The following MROH2B variants were observed in gnomAD, a reference collection of about 807,000 sequenced individuals.
MROH2B encodes the protein maestro heat-like repeat-containing protein family member 2B.
MROH2B carries 177 observed loss-of-function variants against 208.6 expected under a neutral mutation model. The observed-to-expected ratio is 0.85, with a 90% CI of 0.75 to 0.96. The LOEUF is 0.96. Ranked by LOEUF, MROH2B falls within the 40% of genes least tolerant of loss-of-function variation. The pLI is 0.00. For missense variants in MROH2B, 2,002 were observed against 1,878.7 expected (o/e 1.07, Z -1.21); for synonymous variants, 728 against 659.0 (o/e 1.10, Z -1.60).
chr5:41,016,123 C>A (rs1453182943), intron 28 of MROH2B, among the ~76,000 whole-genome samples: 1 of 152,132 alleles, frequency 6.6e-6, no homozygotes, highest in Non-Finnish European at 1.5e-5. Context: ...AGCTCAAAGC[C>A]CAGCTACTCT....
chr5:41,039,088 G>A (rs1390686380), intron 20 of MROH2B, among the ~76,000 whole-genome samples, 200 bp from the exon 21 acceptor site: 1 of 152,144 alleles, frequency 6.6e-6, no homozygotes, highest in African/African-American at 2.4e-5. Flanking sequence ...CAGGCCTTCA[G>A]AGAGGTAACT....
chr5:41,057,547 T>TGAAC (rs1184950629), intron 7 of MROH2B, among the ~76,000 whole-genome samples, 187 bp from the exon 8 acceptor site: 1 of 137,788 alleles, frequency 7.3e-6, no homozygotes, highest in African/African-American at 2.6e-5. Context: ...AATGAATGAA[T>TGAAC]GAACGAATAT....
chr5:41,039,634 G>A, intron 19 of MROH2B, 79 bp from the exon 20 acceptor site: 1 of 982,528 alleles, frequency 1.0e-6, no homozygotes, highest in South Asian at 1.7e-5. Flanking sequence ...CCTATTATGT[G>A]CCAGGTATCC....
chr5:41,030,035 G>A (rs1317925372), intron 24 of MROH2B, among the ~76,000 whole-genome samples: 1 of 151,882 alleles, frequency 6.6e-6, no homozygotes. Flanking sequence ...TATTAAATAG[G>A]AGAAAATATT....
At position 41,065,288 on chromosome 5, in the gene MROH2B, G is replaced by T. The variant is rs192463622; in HGVS notation, c.361+43C>A. 2,516 of 1,558,618 alleles carry T rather than the reference G, an allele frequency of 1.6e-3. 40 individuals carry two copies. In the African/African-American group the frequency reaches 0.031, roughly 19 times the overall value. ...CCATTTAGCTTTTAGACAATTAGAAGTTGTCATTTCCCAGGGAAAATTGGA... is the reference window on the plus strand; with the variant it reads ...CCATTTAGCTTTTAGACAATTAGAATTTGTCATTTCCCAGGGAAAATTGGA... On this transcript the variant is annotated intron_variant, in intron 4 of 41. Transcript: ENST00000399564.
At position 41,026,550 on chromosome 5, in the gene MROH2B, T is replaced by C. The variant is rs536944385; in HGVS notation, c.2441+6192A>G. ...TGAAATAAAAGAGGACACAAACAAA[T>C]GGAAGAACATTCCATGCTCATGGAT... On this transcript the variant is annotated intron_variant, in intron 24 of 41. Coordinates refer to ENST00000399564, the MANE Select transcript of MROH2B (RefSeq NM_173489.5). Among the ~76,000 whole-genome samples, 539 of 152,260 alleles carry C rather than the reference T, an allele frequency of 3.5e-3. 13 individuals are homozygous for C. Among genetic ancestry groups the C allele is most frequent in the Admixed American group, 6.2e-3 (95 of 15,292 alleles).
At chr5:41,034,117 C>T (rs541270334) in intron 21 of MROH2B, 9 of 965,668 alleles carry the variant, frequency 9.3e-6, no homozygotes, top group East Asian at 1.1e-4. Flanking sequence ...GTAGAGACTT[C>T]GAGTCTTGTG....
chr5:41,008,867 C>G, intron 32 of MROH2B, 74 bp from the exon 33 acceptor site: 5 of 1,441,870 alleles, frequency 3.5e-6, no homozygotes, highest in Non-Finnish European at 4.7e-6. Context: ...GGCTGATTTT[C>G]AACTTTGTTT....
At chr5:41,024,604 C>A (rs773548739) in intron 24 of MROH2B, among the ~76,000 whole-genome samples, 4 of 152,204 alleles carry the variant, frequency 2.6e-5, no homozygotes, top group Admixed American at 1.3e-4. Context: ...TAACACCCCA[C>A]TGTCAACATT....
At chr5:41,033,785 C>A (rs1260434876) in intron 22 of MROH2B, 53 bp downstream of exon 22, 2 of 833,286 alleles carry the variant, frequency 2.4e-6, no homozygotes, top group Non-Finnish European at 3.6e-6. Context: ...GGGGCATTAT[C>A]TATCTATCTA....
intron 18 of MROH2B, 150 bp from the exon 19 acceptor site, chr5:41,042,358 G>T: frequency 1.9e-6 from 1 of 523,788 alleles, no homozygotes; most frequent in Non-Finnish European, 3.5e-6. Flanking sequence ...TCTTGAGAGT[G>T]TTTCCTTCCT....
intron 19 of MROH2B, among the ~76,000 whole-genome samples, chr5:41,041,398 G>T (rs1319466258): frequency 6.6e-6 from 1 of 152,124 alleles, no homozygotes; most frequent in Non-Finnish European, 1.5e-5. Context: ...AGGCTGAGGT[G>T]GGTGGATCAC....
chr5:41,004,828 C>G lies in MROH2B; in HGVS notation c.3957G>C (p.Leu1319=), dbSNP rs757057293. The change falls in exon 36 of 42, where the codon CTG becomes CTC. Residue 1319 remains leucine (L), a synonymous_variant. Transcript: ENST00000399564. ...CGAGCCCTCGGATGGCCATCTGCCT[C>G]AGAGTGGCGTTGGAGTCCCAGGCAC... ...DQSAWDSNAT[L]RQMAIRGLGN... 9 of 1,614,022 alleles carry G rather than the reference C, an allele frequency of 5.6e-6. No homozygotes were observed. In the South Asian group the frequency reaches 8.8e-5, roughly 16 times the overall value.
chr5:41,031,089 A>G (rs1742552629), intron 24 of MROH2B, among the ~76,000 whole-genome samples: 2 of 152,130 alleles, frequency 1.3e-5, no homozygotes, highest in Non-Finnish European at 2.9e-5. Context: ...GGAATGTATT[A>G]GCGCATTTTC....
At chr5:41,016,547 C>T (rs1168228768) in intron 28 of MROH2B, among the ~76,000 whole-genome samples, 10 of 106,384 alleles carry the variant, frequency 9.4e-5, no homozygotes, top group Admixed American at 4.3e-4. Flanking sequence ...GGTGTGATCT[C>T]GGCTCACTGC....
chr5:41,011,645 C>T (rs774005301), intron 30 of MROH2B, among the ~76,000 whole-genome samples: 7 of 151,340 alleles, frequency 4.6e-5, no homozygotes, highest in Non-Finnish European at 1.0e-4. Flanking sequence ...GAGTTGCTTT[C>T]ATTTAGTGAA....
intron 13 of MROH2B, 122 bp from the exon 14 acceptor site, chr5:41,049,558 G>A: frequency 1.7e-6 from 2 of 1,206,426 alleles, no homozygotes; most frequent in African/African-American, 3.1e-5. Flanking sequence ...TGCTTTTTGG[G>A]CCAAGTCAAG....
chr5:41,005,612 C>T lies in MROH2B; in HGVS notation c.3783G>A (p.Leu1261=), dbSNP rs771867470. 2 of 1,612,152 alleles carry T rather than the reference C, an allele frequency of 1.2e-6. No individual in the cohort carries two copies. The highest frequency in any genetic ancestry group is 1.7e-6 in the Non-Finnish European group (2 of 1,179,228). ...SMAVWQHGVI[L]DIMEQLLSSL... ...ATGAGAGCAGCTGTTCCATGATGTC[C>T]AGTATGACTCCGTGTTGCCACACTG... is the stretch of plus-strand genomic sequence containing the variant. Residue 1261 remains leucine (L), a synonymous_variant, in exon 35 of 42, where the codon CTG becomes CTA. Coordinates refer to ENST00000399564, the MANE Select transcript of MROH2B (RefSeq NM_173489.5).
chr5:41,033,866 T>A lies in MROH2B; in HGVS notation c.2215-2A>T, dbSNP rs917932762. 1 of 1,547,116 alleles carries A rather than the reference T, an allele frequency of 6.5e-7. No individual in the cohort carries two copies. On this transcript the variant is annotated splice_acceptor_variant, in intron 21 of 41. Coordinates refer to ENST00000399564, the MANE Select transcript of MROH2B (RefSeq NM_173489.5). LOFTEE classifies it high-confidence loss of function. ...GTTCATCACAGACATGCCCAGAACC[T>A]AAAAAAAATCAAAGGCAAAATTAGA...
Sources: allele counts gnomAD v4.1 joint callset (sites outside exome capture counted in the v4.1 genomes callset), GRCh38; gene constraint gnomAD v4.1.1; transcripts MANE v1.5; gene names NCBI Gene and HGNC (gene_info 2026-07-23, HGNC 2026-07-21).